Variants in EPS15 observed in about 807,000 individuals in gnomAD.
EPS15 encodes epidermal growth factor receptor substrate 15.
EPS15 carries 72 observed loss-of-function variants against 113.8 expected under a neutral mutation model. The ratio of observed to expected loss-of-function variants is 0.63; its 90% confidence interval spans 0.52 to 0.77. The LOEUF (loss-of-function observed/expected upper bound fraction) is 0.77, where lower values mean the gene tolerates loss of function less well. EPS15 is among the 30% of genes least tolerant of loss of function. The pLI, the probability that EPS15 is intolerant of heterozygous loss-of-function variation, is 0.00. For missense variants in EPS15, 1,048 were observed against 1,045.8 expected (o/e 1.00, Z -0.03); for synonymous variants, 344 against 363.4 (o/e 0.95, Z 0.61).
Position 51,399,097 on chromosome 1 carries a change from T to TAGATTGCCTGAAGAA in EPS15, c.1972_1986dup (p.Phe658_Ser662dup), listed in dbSNP as rs1553119584. 1.9e-6 allele frequency: 3 copies of TAGATTGCCTGAAGAA among 1,613,856 alleles called. No individual in the cohort carries two copies. Among genetic ancestry groups the TAGATTGCCTGAAGAA allele is most frequent in the Non-Finnish European group, 2.5e-6 (3 of 1,179,716 alleles). ...GTGCTTGAAGTGGCAAAAGGATCAG[T>TAGATTGCCTGAAGAA]AGATTGCCTGAAGAAACAGTCTGAT... On this transcript the variant is annotated inframe_insertion, in exon 20 of 25. Coordinates refer to ENST00000371733, the MANE Select transcript of EPS15 (RefSeq NM_001981.3).
At chr1:51,361,128 C>CT (rs1397047444) in intron 24 of EPS15, 43 bp downstream of exon 24, 1 of 1,457,148 alleles carries the variant, frequency 6.9e-7, no homozygotes, top group Non-Finnish European at 9.4e-7. Context: ...TCTGAAAACT[C>CT]TTTAAAGATT....
chr1:51,408,207 A>G lies in EPS15; in HGVS notation c.1401T>C (p.Ser467=), dbSNP rs150935900. The G allele has an allele frequency of 7.3e-5, 118 of 1,613,666 alleles. No individual in the cohort carries two copies. The African/African-American group carries it at 1.4e-3, about 19-fold the overall frequency. Residue 467 remains serine, a synonymous_variant, in exon 15 of 25, where the codon AGT becomes AGC. Coordinates refer to ENST00000371733, the MANE Select transcript of EPS15 (RefSeq NM_001981.3). The part of the protein sequence containing the change: ...LQQETAELEE[S]VESGKAQLEP... ...CCAACTGAGCCTTCCCTGACTCTAC[A>G]CTCTCCTCCAATTCTGCTGTTTCTT...
intron 1 of EPS15, among the ~76,000 whole-genome samples, chr1:51,493,530 A>C (rs1644276013): frequency 2.5e-5 from 1 of 39,340 alleles, no homozygotes; most frequent in Non-Finnish European, 4.7e-5. Context: ...GTCTCAAATT[A>C]AATAAATAAA....
rs72910225 is a variant in EPS15, at chr1:51,367,270, G to C, written c.2120-1241C>G. On this transcript the variant is annotated intron_variant, in intron 21 of 24. Transcript: ENST00000371733. ...AGTAACTACAAAAGTATATTTAACA[G>C]GCCAGGTGCAGTGGCTCACGCCTGT... 5.1e-3 allele frequency among the ~76,000 whole-genome samples: 770 copies of C among 152,278 alleles called. 4 individuals are homozygous for C. The highest frequency in any genetic ancestry group is 0.018 in the African/African-American group (736 of 41,568).
intron 20 of EPS15, among the ~76,000 whole-genome samples, chr1:51,398,017 T>G (rs529595897): frequency 6.6e-6 from 1 of 151,852 alleles, no homozygotes; most frequent in African/African-American, 2.4e-5. Flanking sequence ...ATTACATTAT[T>G]CTCCTTTGAG....
chr1:51,365,766 A>G (rs1646493934), intron 22 of EPS15, among the ~76,000 whole-genome samples, 187 bp downstream of exon 22: 2 of 152,200 alleles, frequency 1.3e-5, no homozygotes, highest in African/African-American at 4.8e-5. Flanking sequence ...AATACAGTCT[A>G]GTTATATAAA....
chr1:51,375,459 T>C (rs1233960440), intron 21 of EPS15, among the ~76,000 whole-genome samples: 1 of 152,200 alleles, frequency 6.6e-6, no homozygotes, highest in Non-Finnish European at 1.5e-5. Context: ...TTTTGCCTGG[T>C]GGAATTCTAC....
chr1:51,489,349 TCTCC>T (rs1159577488), intron 1 of EPS15, among the ~76,000 whole-genome samples: 1 of 149,484 alleles, frequency 6.7e-6, no homozygotes, highest in Non-Finnish European at 1.5e-5. Context: ...GGAGATGGCG[TCTCC>T]CTCCGTCACC....
Position 51,355,541 on chromosome 1 carries a change from TA to T in EPS15, c.*1158del. ...TCTGGCAGGTCTCTTCTCTCCCAAT[TA>T]AAAAAACAAGAGTTTTTTTGCTAGC... On this transcript the variant is annotated 3_prime_UTR_variant, in exon 25 of 25. Coordinates refer to ENST00000371733, the MANE Select transcript of EPS15 (RefSeq NM_001981.3). 5.2e-6 allele frequency: 1 copy of T among 191,782 alleles called. No individual in the cohort carries two copies. The highest frequency in any genetic ancestry group is 1.1e-5 in the Non-Finnish European group (1 of 91,822). 11.9% of individuals were successfully genotyped at this position (191,782 alleles called of 1,614,324 possible). A position where few individuals can be genotyped will look rare whatever the true frequency, so the allele number is the denominator to read the frequency against.
At chr1:51,432,642 C>T (rs1325809668) in intron 12 of EPS15, among the ~76,000 whole-genome samples, 1 of 152,024 alleles carries the variant, frequency 6.6e-6, no homozygotes, top group African/African-American at 2.4e-5. Context: ...AACAACACAT[C>T]TTAAATTGGA....
intron 1 of EPS15, among the ~76,000 whole-genome samples, chr1:51,499,029 T>G (rs1644371193): frequency 6.6e-6 from 1 of 152,194 alleles, no homozygotes; most frequent in Non-Finnish European, 1.5e-5. Context: ...TCATCCCTTT[T>G]ACGCCCTTCT....
chr1:51,448,666 T>C (rs1272725337), intron 8 of EPS15, among the ~76,000 whole-genome samples: 1 of 152,234 alleles, frequency 6.6e-6, no homozygotes, highest in Non-Finnish European at 1.5e-5. Flanking sequence ...TTTCATAATA[T>C]ACTTTGTTAG....
At chr1:51,433,141 A>G (rs2148465259) in intron 12 of EPS15, among the ~76,000 whole-genome samples, 1 of 152,360 alleles carries the variant, frequency 6.6e-6, no homozygotes, top group Admixed American at 6.5e-5. Context: ...GTAGAGGTCT[A>G]TATATTTAGG....
chr1:51,357,890 C>T (rs969350536), intron 24 of EPS15, among the ~76,000 whole-genome samples: 2 of 151,992 alleles, frequency 1.3e-5, no homozygotes, highest in African/African-American at 4.8e-5. Flanking sequence ...CAAGCATGCA[C>T]CACCACGCCC....
At chr1:51,403,591 T>C in intron 16 of EPS15, 59 bp from the exon 17 acceptor site, 1 of 915,396 alleles carries the variant, frequency 1.1e-6, no homozygotes, top group South Asian at 1.9e-5. Flanking sequence ...CAGAGAAAAC[T>C]GACTAAAGAT....
chr1:51,392,727 A>T (rs187198545), intron 21 of EPS15, among the ~76,000 whole-genome samples: 1 of 152,352 alleles, frequency 6.6e-6, no homozygotes, highest in Non-Finnish European at 1.5e-5. Context: ...CTTTCAAGGC[A>T]TACCACAAAA....
chr1:51,429,201 G>A (rs1399721671), intron 12 of EPS15, among the ~76,000 whole-genome samples: 2 of 152,136 alleles, frequency 1.3e-5, no homozygotes, highest in African/African-American at 4.8e-5. Flanking sequence ...ACTGAAGTAA[G>A]TTGATATCAA....
At chr1:51,359,162 C>T (rs1009472148) in intron 24 of EPS15, among the ~76,000 whole-genome samples, 3 of 151,934 alleles carry the variant, frequency 2.0e-5, no homozygotes, top group African/African-American at 4.8e-5. Context: ...AAAGTTAAGT[C>T]GGGCTGGATG....
chr1:51,393,417 C>T (rs1647592955), intron 21 of EPS15, among the ~76,000 whole-genome samples: 1 of 152,216 alleles, frequency 6.6e-6, no homozygotes, highest in African/African-American at 2.4e-5. Flanking sequence ...ACCATGTTGG[C>T]CAGGCTGGTC....
Sources: gnomAD v4.1 joint callset for allele counts (sites outside exome capture counted in the v4.1 genomes callset) on GRCh38, gnomAD v4.1.1 for gene constraint, MANE v1.5 for transcripts, NCBI Gene and HGNC (gene_info 2026-07-23, HGNC 2026-07-21) for gene names.